Variants in RPAP1 observed in about 807,000 individuals in gnomAD.
The protein encoded by RPAP1 is RNA polymerase II-associated protein 1.
A neutral mutation model predicts 142.4 loss-of-function variants in RPAP1; 109 were observed. That is an observed-to-expected ratio of 0.77 (90% CI 0.66 to 0.90). The LOEUF (loss-of-function observed/expected upper bound fraction) is 0.90, where lower values mean the gene tolerates loss of function less well. RPAP1 is among the 40% of genes least tolerant of loss of function. RPAP1 has a pLI of 0.00. For synonymous variants in RPAP1, 704 were observed against 738.9 expected (o/e 0.95, Z 0.77); for missense variants, 1,546 against 1,751.7 (o/e 0.88, Z 2.10).
At chr15:41,533,847 A>AC (rs1480046466) in intron 6 of RPAP1, among the ~76,000 whole-genome samples, 1 of 150,242 alleles carries the variant, frequency 6.7e-6, no homozygotes, top group Non-Finnish European at 1.5e-5. Flanking sequence ...TTAAAAAAAA[A>AC]AAAAAACCTA....
chr15:41,534,939 G>A lies in RPAP1; in HGVS notation c.542-4C>T, dbSNP rs1023513908. On this transcript the variant is annotated splice_polypyrimidine_tract_variant and splice_region_variant and intron_variant, in intron 5 of 24. Coordinates refer to ENST00000304330, the MANE Select transcript of RPAP1 (RefSeq NM_015540.4). ...GGTGTCTCACAGGTCACGGCACCTGGAAGAAAGGTATGATCACATTCATTG... is the reference window on the plus strand; with the variant it reads ...GGTGTCTCACAGGTCACGGCACCTGAAAGAAAGGTATGATCACATTCATTG... 3 of 1,613,624 alleles carry A rather than the reference G, an allele frequency of 1.9e-6. No individual in the cohort carries two copies. Among genetic ancestry groups the A allele is most frequent in the African/African-American group, 1.3e-5 (1 of 74,924 alleles).
At chr15:41,523,585 A>G (rs928118123) in intron 17 of RPAP1, among the ~76,000 whole-genome samples, 186 bp downstream of exon 17, 10 of 152,236 alleles carry the variant, frequency 6.6e-5, no homozygotes, top group African/African-American at 2.2e-4. Flanking sequence ...GTCCCCACCA[A>G]CATGGCTCCT....
chr15:41,536,723 G>T, intron 2 of RPAP1, 74 bp from the exon 3 acceptor site: 1 of 1,553,098 alleles, frequency 6.4e-7, no homozygotes, highest in Non-Finnish European at 8.7e-7. Context: ...AGGGAAGAAA[G>T]ACAGCTGCCA....
In RPAP1 at chr15:41,529,937, A is replaced by G; in HGVS notation, c.986T>C (p.Met329Thr). ...GAGCTTCTCCAGCTCGACAGTGTCC[A>G]TGTGCAGCCATTCTTTCTGAGGGGT... is the stretch of plus-strand genomic sequence containing the variant. The part of the protein sequence containing the change: ...PVTPQKEWLH[M>T]DTVELEKLHW... Residue 329 changes from methionine to threonine, a missense_variant, in exon 8 of 25, where the codon ATG (methionine) becomes ACG (threonine). This residue lies in a region of RPAP1 where 1,333 missense variants were observed against 1,486.6 expected (regional missense o/e 0.90). Coordinates refer to ENST00000304330, the MANE Select transcript of RPAP1 (RefSeq NM_015540.4). The G allele has an allele frequency of 6.2e-7, 1 of 1,614,148 alleles. No homozygotes were observed. Among genetic ancestry groups the G allele is most frequent in the Non-Finnish European group, 8.5e-7 (1 of 1,180,014 alleles).
chr15:41,527,316 G>C lies in RPAP1; in HGVS notation c.1612-15C>G. On this transcript the variant is annotated splice_polypyrimidine_tract_variant and intron_variant, in intron 12 of 24. Transcript: ENST00000304330. ...GCCAGGAGCCCCTGGGAGTTGGAGA[G>C]AGAAACCCACTGACAAATGCAGCTG... 6.2e-7 allele frequency: 1 copy of C among 1,614,004 alleles called. No individual in the cohort carries two copies. Among genetic ancestry groups the C allele is most frequent in the South Asian group, 1.1e-5 (1 of 91,066 alleles).
Position 41,522,870 on chromosome 15 carries a change from GCA to G in RPAP1, c.2635_2636del (p.Cys879ProfsTer23). 6.3e-7 allele frequency: 1 copy of G among 1,580,534 alleles called. No individual in the cohort carries two copies. Among genetic ancestry groups the G allele is most frequent in the Non-Finnish European group, 8.5e-7 (1 of 1,169,818 alleles). On this transcript the variant is annotated frameshift_variant, in exon 19 of 25. Transcript: ENST00000304330. LOFTEE classifies it high-confidence loss of function. ...CTGAGCCAGCCAGACTGAGACGGGGGCAGCCTCCCGAGCAGCCCAGTGACACG... is the reference window on the plus strand; with the variant it reads ...CTGAGCCAGCCAGACTGAGACGGGGGGCCTCCCGAGCAGCCCAGTGACACG... ...SLVSLGCSGG[C>X]PRLSLAGSAS...
rs2051917163 is a variant in RPAP1, at chr15:41,536,996, T to C, written c.130A>G (p.Asn44Asp). Residue 44 changes from asparagine (N) to aspartate (D), a missense_variant, in exon 2 of 25, where the codon AAC (asparagine) becomes GAC (aspartate). Asn to Asp is a conservative substitution (Grantham distance 23). This residue lies in a region of RPAP1 where 1,333 missense variants were observed against 1,486.6 expected (regional missense o/e 0.90). Transcript: ENST00000304330. ...KKGNRGGGDANSDRPPLQDHR... is the reference protein window; with the variant it reads ...KKGNRGGGDADSDRPPLQDHR... Reference sequence around the variant, plus strand: ...TCCTGGAGCGGAGGCCGGTCTGAGTTGGCATCACCACCGCCCCTATTTCCT... The same window carrying C: ...TCCTGGAGCGGAGGCCGGTCTGAGTCGGCATCACCACCGCCCCTATTTCCT... 1.2e-6 allele frequency: 2 copies of C among 1,614,134 alleles called. No individual in the cohort carries two copies. The highest frequency in any genetic ancestry group is 2.2e-5 in the South Asian group (2 of 91,090).
rs139079892 is a variant in RPAP1, at chr15:41,526,073, C to G, written c.1917+825G>C. On this transcript the variant is annotated intron_variant, in intron 14 of 24. Coordinates refer to ENST00000304330, the MANE Select transcript of RPAP1 (RefSeq NM_015540.4). ...CAAGCAATTCTCCTGCCTCAGCCTC[C>G]CAAGTAGCTGGGACTACAGGCGCAC... 5.2e-3 allele frequency among the ~76,000 whole-genome samples: 788 copies of G among 152,278 alleles called. 7 individuals carry two copies. Among genetic ancestry groups the G allele is most frequent in the African/African-American group, 0.018 (757 of 41,550 alleles).
Position 41,523,240 on chromosome 15 carries a change from C to G in RPAP1, c.2546+5G>C. On this transcript the variant is annotated splice_donor_5th_base_variant and intron_variant, in intron 18 of 24. Transcript: ENST00000304330. Reference sequence around the variant, plus strand: ...CTTCCCCCAGCTACCAAACACAGTACATACCTAAGGGAATCCCACAGGCTG... The same window carrying G: ...CTTCCCCCAGCTACCAAACACAGTAGATACCTAAGGGAATCCCACAGGCTG... 1 of 1,572,078 alleles carries G rather than the reference C, an allele frequency of 6.4e-7. No individual in the cohort carries two copies. The highest frequency in any genetic ancestry group is 2.3e-5 in the East Asian group (1 of 44,228).
intron 1 of RPAP1, among the ~76,000 whole-genome samples, chr15:41,542,087 G>C (rs771604994): frequency 6.6e-6 from 1 of 152,158 alleles, no homozygotes; most frequent in African/African-American, 2.4e-5. Flanking sequence ...TAAATATAAA[G>C]AAATGGGAGT....
chr15:41,520,713 C>T lies in RPAP1; in HGVS notation c.3473G>A (p.Arg1158Gln), dbSNP rs768130640. The change falls in exon 22 of 25, where the codon CGG (arginine) becomes CAG (glutamine). Residue 1158 changes from arginine (R) to glutamine (Q), a missense_variant. Physicochemically the swap from Arg to Gln is conservative, Grantham distance 43. Transcript: ENST00000304330. ...WAVPPAARLA[R>Q]LMCVFLVDSE... ...GTCCACCAGGAACACACACATGAGC[C>T]GTGCCAGGCGGGCAGCAGGGGGCAC... 16 of 1,613,936 alleles carry T rather than the reference C, an allele frequency of 9.9e-6. No individual in the cohort carries two copies. The highest frequency in any genetic ancestry group is 5.3e-5 in the African/African-American group (4 of 74,934).
At chr15:41,537,565 T>C (rs778569791) in intron 1 of RPAP1, among the ~76,000 whole-genome samples, 6 of 152,070 alleles carry the variant, frequency 3.9e-5, no homozygotes, top group Non-Finnish European at 7.4e-5. Context: ...ATTAAAAACC[T>C]TGGGCTGTAA....
In RPAP1 at chr15:41,523,237, G is replaced by C. The variant is rs748913567; in HGVS notation, c.2546+8C>G. Reference sequence around the variant, plus strand: ...CTGCTTCCCCCAGCTACCAAACACAGTACATACCTAAGGGAATCCCACAGG... The same window carrying C: ...CTGCTTCCCCCAGCTACCAAACACACTACATACCTAAGGGAATCCCACAGG... On this transcript the variant is annotated splice_region_variant and intron_variant, in intron 18 of 24. Transcript: ENST00000304330. 2.6e-6 allele frequency: 4 copies of C among 1,564,246 alleles called. No homozygotes were observed. The African/African-American group carries it at 4.1e-5, about 16-fold the overall frequency.
intron 22 of RPAP1, chr15:41,520,188 CT>C (rs1411320461): frequency 8.1e-6 from 5 of 614,290 alleles, no homozygotes; most frequent in African/African-American, 3.7e-5. Context: ...CCCACCTCAG[CT>C]TCCCAGAGTG....
rs200640170 is a variant in RPAP1, at chr15:41,525,039, C to T, written c.2027G>A (p.Arg676His). The T allele has an allele frequency of 1.2e-5, 20 of 1,614,060 alleles. No individual in the cohort carries two copies. The highest frequency in any genetic ancestry group is 1.7e-4 in the Middle Eastern group (1 of 6,048). Residue 676 changes from arginine (R) to histidine (H), a missense_variant, in exon 15 of 25, where the codon CGT (arginine) becomes CAT (histidine). Arg to His is a conservative substitution (Grantham distance 29). Transcript: ENST00000304330. ...ATAGGAGGCAGCCACAGCCCACAGA[C>T]GGAGGGCCTCGGTGCTCAGCATCTC... ...EAEMLSTEAL[R>H]LWAVAASYGQ...
At chr15:41,536,016 C>A in intron 4 of RPAP1, 113 bp downstream of exon 4, 1 of 764,876 alleles carries the variant, frequency 1.3e-6, no homozygotes, top group South Asian at 1.7e-5. Flanking sequence ...TAGTATGATC[C>A]TGCTTTGTAA....
intron 9 of RPAP1, among the ~76,000 whole-genome samples, chr15:41,528,844 G>A (rs2051820783): frequency 6.6e-6 from 1 of 152,196 alleles, no homozygotes; most frequent in Non-Finnish European, 1.5e-5. Context: ...GAAACTTCTG[G>A]AGGCAAGGCA....
At chr15:41,524,965 G>A (rs760911994) in intron 15 of RPAP1, 26 bp downstream of exon 15, 25 of 1,609,794 alleles carry the variant, frequency 1.6e-5, no homozygotes, top group Non-Finnish European at 2.0e-5. Flanking sequence ...GTGTCTAGGG[G>A]GAGCCTACCC....
rs757043628 is a variant in RPAP1, at chr15:41,536,139, C to T, written c.410G>A (p.Arg137Gln). 4.3e-6 allele frequency: 7 copies of T among 1,613,874 alleles called. No individual in the cohort carries two copies. Among genetic ancestry groups the T allele is most frequent in the Non-Finnish European group, 3.4e-6 (4 of 1,179,922 alleles). ...CTTACCCTTGCCTACCTGTGTGTCC[C>T]GCGAGCGAAGGAACACAGCAGGGAA... ...VAFPAVFLRS[R>Q]DTQGKSATSG... Residue 137 changes from arginine to glutamine, a missense_variant, in exon 4 of 25, where the codon CGG (arginine) becomes CAG (glutamine). By Grantham distance (43) the Arg-to-Gln change is conservative (BLOSUM62 1). This residue lies in a region of RPAP1 where 1,333 missense variants were observed against 1,486.6 expected (regional missense o/e 0.90). Transcript: ENST00000304330.
Sources: allele counts gnomAD v4.1 joint callset (sites outside exome capture counted in the v4.1 genomes callset), GRCh38; gene constraint gnomAD v4.1.1; regional missense constraint gnomAD v4.1.1; transcripts MANE v1.5; gene names NCBI Gene and HGNC (gene_info 2026-07-23, HGNC 2026-07-21).